C11orf65: variants seen among roughly 807,000 people sequenced by gnomAD.
C11orf65 encodes the protein chromosome 11 open reading frame 65.
In C11orf65, 38 loss-of-function variants were observed where a neutral mutation model predicts 35.3. The observed-to-expected ratio is 1.08, with a 90% CI of 0.83 to 1.41. The LOEUF (loss-of-function observed/expected upper bound fraction) is 1.41. Among genes scored for constraint, C11orf65 ranks in the 40% most tolerant of loss-of-function variants. The pLI is 0.00. For missense variants in C11orf65, 370 were observed against 367.1 expected (o/e 1.01, Z -0.06); for synonymous variants, 105 against 114.4 (o/e 0.92, Z 0.53).
intron 3 of C11orf65, among the ~76,000 whole-genome samples, chr11:108,407,630 AT>A (rs937652890): frequency 7.4e-5 from 11 of 149,510 alleles, no homozygotes; most frequent in Non-Finnish European, 1.0e-4. Flanking sequence ...ATTAAAAAAA[AT>A]TTTTTTTTTG....
chr11:108,442,607 T>A (rs1027823167), intron 2 of C11orf65, among the ~76,000 whole-genome samples: 1 of 152,150 alleles, frequency 6.6e-6, no homozygotes, highest in African/African-American at 2.4e-5. Flanking sequence ...GGGAAACCCA[T>A]CAGAATAACA....
At chr11:108,407,414 C>T (rs1429389301) in intron 3 of C11orf65, among the ~76,000 whole-genome samples, 2 of 150,006 alleles carry the variant, frequency 1.3e-5, no homozygotes, top group Admixed American at 6.6e-5. Flanking sequence ...TGGGCTCAAG[C>T]GATGCTCCCA....
At chr11:108,407,585 G>A (rs2092565428) in intron 3 of C11orf65, among the ~76,000 whole-genome samples, 1 of 150,530 alleles carries the variant, frequency 6.6e-6, no homozygotes. Flanking sequence ...CTCCCAAAGT[G>A]CTAAGATTAC....
chr11:108,448,179 A>G (rs1441730099), intron 2 of C11orf65, among the ~76,000 whole-genome samples: 1 of 152,246 alleles, frequency 6.6e-6, no homozygotes, highest in Non-Finnish European at 1.5e-5. Context: ...GACCAGATGG[A>G]TTCACAGCTG....
chr11:108,414,270 T>C (rs1235532120), intron 3 of C11orf65, among the ~76,000 whole-genome samples: 1 of 152,080 alleles, frequency 6.6e-6, no homozygotes, highest in South Asian at 2.1e-4. Context: ...TGATGATGGT[T>C]ACTCTTCATG....
At chr11:108,314,257 A>C (rs2084415881) in intron 6 of C11orf65, among the ~76,000 whole-genome samples, 1 of 152,068 alleles carries the variant, frequency 6.6e-6, no homozygotes, top group Non-Finnish European at 1.5e-5. Flanking sequence ...CTGGGACTAC[A>C]GGCATGCCCC....
intron 2 of C11orf65, among the ~76,000 whole-genome samples, chr11:108,437,597 G>T (rs192014273): frequency 6.6e-6 from 1 of 150,520 alleles, no homozygotes; most frequent in East Asian, 2.0e-4. Flanking sequence ...CCAGCTACTC[G>T]GGAGGCTGAG....
chr11:108,333,737 G>A (rs972943728), intron 3 of C11orf65: 3 of 733,596 alleles, frequency 4.1e-6, no homozygotes, highest in Non-Finnish European at 7.2e-6. Flanking sequence ...CTGCATAGTG[G>A]CCAAAGCCCA....
chr11:108,424,509 A>C (rs147280631), intron 3 of C11orf65, among the ~76,000 whole-genome samples: 86 of 152,314 alleles, frequency 5.6e-4, no homozygotes, highest in African/African-American at 2.0e-3. Flanking sequence ...CAGATTCATA[A>C]AGCAAGTTCT....
chr11:108,350,443 T>C (rs1319975891), intron 2 of C11orf65, among the ~76,000 whole-genome samples: 1 of 152,194 alleles, frequency 6.6e-6, no homozygotes, highest in African/African-American at 2.4e-5. Flanking sequence ...AATGTACAAT[T>C]TACAATGTCT....
chr11:108,384,961 G>C (rs1158631717), intron 8 of C11orf65, among the ~76,000 whole-genome samples: 1 of 152,124 alleles, frequency 6.6e-6, no homozygotes, highest in African/African-American at 2.4e-5. Flanking sequence ...TTTACTTTTA[G>C]CATTTCAGTA....
At chr11:108,365,273 C>T (rs2091224551) in intron 2 of C11orf65, 4 of 1,614,024 alleles carry the variant, frequency 2.5e-6, no homozygotes, top group Non-Finnish European at 3.4e-6. Context: ...TTCTTATTCC[C>T]AAGGCCTTTA....
chr11:108,428,411 C>G (rs2092938475), intron 3 of C11orf65, among the ~76,000 whole-genome samples: 1 of 152,156 alleles, frequency 6.6e-6, no homozygotes, highest in African/African-American at 2.4e-5. Context: ...GGAACCAACC[C>G]AAACGCCCAT....
intron 6 of C11orf65, among the ~76,000 whole-genome samples, chr11:108,316,927 AAAAT>A (rs1176966677): frequency 1.3e-5 from 2 of 151,692 alleles, no homozygotes; most frequent in African/African-American, 2.4e-5. Flanking sequence ...CTCCATCTCA[AAAAT>A]AAATAAATAA....
Position 108,345,841 on chromosome 11 carries a change from C to A in C11orf65, c.227-10549G>T, listed in dbSNP as rs767845728. 6.2e-7 allele frequency: 1 copy of A among 1,613,840 alleles called. No individual in the cohort carries two copies. Among genetic ancestry groups the A allele is most frequent in the Admixed American group, 1.7e-5 (1 of 59,998 alleles). On this transcript the variant is annotated intron_variant, in intron 2 of 3. Coordinates refer to the C11orf65 transcript ENST00000524755. ...TCCGTTACTTCTGCATGGAAAAATT[C>A]TTGGATCCAGCTATTTGGTTTGAGA...
intron 3 of C11orf65, among the ~76,000 whole-genome samples, chr11:108,420,545 T>C (rs959540588): frequency 2.0e-5 from 3 of 152,176 alleles, no homozygotes; most frequent in African/African-American, 7.2e-5. Context: ...CAGGCAGTTC[T>C]TTGCAATTAG....
At chr11:108,319,798 A>G (rs1343957132) in intron 6 of C11orf65, among the ~76,000 whole-genome samples, 1 of 152,264 alleles carries the variant, frequency 6.6e-6, no homozygotes, top group African/African-American at 2.4e-5. Context: ...TAAATGACTC[A>G]TAAAATTTGT....
At chr11:108,311,303 C>G (rs1316828549) in intron 6 of C11orf65, among the ~76,000 whole-genome samples, 2 of 152,040 alleles carry the variant, frequency 1.3e-5, no homozygotes, top group Admixed American at 1.3e-4. Flanking sequence ...CGGTTATACC[C>G]ATTTGTGTAC....
chr11:108,436,808 T>C (rs1172293272), intron 2 of C11orf65, among the ~76,000 whole-genome samples: 3 of 152,124 alleles, frequency 2.0e-5, no homozygotes, highest in Non-Finnish European at 4.4e-5. Context: ...CAGAATACAA[T>C]GGAATGCCAT....
Sources: gnomAD v4.1 joint callset for allele counts (sites outside exome capture counted in the v4.1 genomes callset) on GRCh38, gnomAD v4.1.1 for gene constraint, MANE v1.5 for transcripts, NCBI Gene and HGNC (gene_info 2026-07-23, HGNC 2026-07-21) for gene names.